The following TLE4 variants were observed in gnomAD, a reference collection of about 807,000 sequenced individuals.
TLE4 encodes TLE family member 4, transcriptional corepressor, also known as transducin-like enhancer protein 4.
Under a neutral mutation model 92.8 loss-of-function variants are expected in TLE4, and 8 were observed. That is an observed-to-expected ratio of 0.09 (90% CI 0.05 to 0.16). The LOEUF (loss-of-function observed/expected upper bound fraction) is 0.16. Ranked by LOEUF, TLE4 falls within the 10% of genes least tolerant of loss-of-function variation. The probability of loss-of-function intolerance (pLI) is 1.00; values close to 1 mark genes in which losing one functional copy is unlikely to be tolerated. For synonymous variants in TLE4, 371 were observed against 374.1 expected, an observed-to-expected ratio of 0.99 and a Z score of 0.10; for missense variants, 675 against 997.6, an observed-to-expected ratio of 0.68 and a Z score of 4.36.
At chr9:79,662,496 C>T (rs2060680516) in intron 8 of TLE4, among the ~76,000 whole-genome samples, 1 of 152,028 alleles carries the variant, frequency 6.6e-6, no homozygotes, top group South Asian at 2.1e-4. Context: ...TTGTGAGCGA[C>T]ATTTGGCCTT....
Position 79,724,849 on chromosome 9 carries a change from T to TAA in TLE4, c.2215-157_2215-156dup, listed in dbSNP as rs947971071. Among the ~76,000 whole-genome samples, 250 of 25,966 alleles carry TAA rather than the reference T, an allele frequency of 9.6e-3. 78 individuals carry two copies. The highest frequency in any genetic ancestry group is 0.019 in the South Asian group (6 of 314). 17.0% of individuals were successfully genotyped at this position (25,966 alleles called of 152,430 possible). A position where few individuals can be genotyped will look rare whatever the true frequency, so the allele number is the denominator to read the frequency against. ...GTGACTGAGGGAGACCCTGTCTTAT[T>TAA]AAAAAAAAAAAAAAAAAAAAAAAAA... On this transcript the variant is annotated intron_variant, in intron 19 of 19. Coordinates refer to ENST00000376552, the MANE Select transcript of TLE4 (RefSeq NM_007005.6).
chr9:79,632,101 C>T (rs757271910), intron 6 of TLE4, among the ~76,000 whole-genome samples: 5 of 152,196 alleles, frequency 3.3e-5, no homozygotes, highest in Middle Eastern at 3.2e-3. Context: ...TCAGCCATAG[C>T]GCGAAGTGCT....
At chr9:79,666,317 T>C (rs1329477327) in intron 8 of TLE4, among the ~76,000 whole-genome samples, 1 of 151,136 alleles carries the variant, frequency 6.6e-6, no homozygotes, top group African/African-American at 2.4e-5. Flanking sequence ...AATCTCTGTC[T>C]CCTGGGTTCA....
At chr9:79,688,912 A>G (rs1325722443) in intron 8 of TLE4, among the ~76,000 whole-genome samples, 1 of 152,048 alleles carries the variant, frequency 6.6e-6, no homozygotes, top group Non-Finnish European at 1.5e-5. Context: ...AGGACAACAT[A>G]TCTTCCCCCA....
At chr9:79,656,042 T>C (rs2059731235) in intron 8 of TLE4, among the ~76,000 whole-genome samples, 1 of 152,214 alleles carries the variant, frequency 6.6e-6, no homozygotes, top group South Asian at 2.1e-4. Flanking sequence ...TGATTTTGCC[T>C]TGATTTATTA....
At chr9:79,684,079 A>G (rs2065278331) in intron 8 of TLE4, among the ~76,000 whole-genome samples, 2 of 152,320 alleles carry the variant, frequency 1.3e-5, no homozygotes, top group South Asian at 4.1e-4. Flanking sequence ...AAAAATGAGA[A>G]GGAGTATTTA....
intron 4 of TLE4, among the ~76,000 whole-genome samples, chr9:79,585,279 G>C (rs1429036030): frequency 2.0e-5 from 3 of 152,162 alleles, no homozygotes; most frequent in Non-Finnish European, 4.4e-5. Context: ...TTTTACGTAT[G>C]TTGGGGCTGA....
At chr9:79,589,940 A>T (rs1212222224) in intron 4 of TLE4, among the ~76,000 whole-genome samples, 1 of 152,132 alleles carries the variant, frequency 6.6e-6, no homozygotes, top group Non-Finnish European at 1.5e-5. Context: ...CACAAAATGG[A>T]ACCTTGAGTT....
At chr9:79,690,321 A>G (rs2066780332) in intron 8 of TLE4, among the ~76,000 whole-genome samples, 1 of 152,186 alleles carries the variant, frequency 6.6e-6, no homozygotes, top group Non-Finnish European at 1.5e-5. Flanking sequence ...TTTCTTACTA[A>G]TGCCTCATTA....
At chr9:79,715,800 C>T (rs1322974959) in intron 14 of TLE4, among the ~76,000 whole-genome samples, 4 of 152,136 alleles carry the variant, frequency 2.6e-5, no homozygotes, top group Non-Finnish European at 4.4e-5. Flanking sequence ...CTCTAGTGAA[C>T]ATCTGCCCTC....
At chr9:79,627,613 T>C (rs2133550289) in intron 6 of TLE4, 165 bp downstream of exon 6, 1 of 675,084 alleles carries the variant, frequency 1.5e-6, no homozygotes, top group Non-Finnish European at 2.6e-6. Context: ...ATGGCTGCCT[T>C]AGAAACTTTG....
At chr9:79,657,592 C>G (rs968073105) in intron 8 of TLE4, among the ~76,000 whole-genome samples, 1 of 152,080 alleles carries the variant, frequency 6.6e-6, no homozygotes, top group Admixed American at 6.5e-5. Flanking sequence ...CAGACTGAAC[C>G]AGTGCTATTA....
chr9:79,640,272 A>C (rs903990766), intron 6 of TLE4, among the ~76,000 whole-genome samples: 1 of 152,178 alleles, frequency 6.6e-6, no homozygotes, highest in African/African-American at 2.4e-5. Flanking sequence ...TTCTTAATAC[A>C]TGGTAAACAG....
At chr9:79,719,198 T>C (rs1467878815) in intron 15 of TLE4, among the ~76,000 whole-genome samples, 2 of 152,130 alleles carry the variant, frequency 1.3e-5, no homozygotes, top group African/African-American at 4.8e-5. Flanking sequence ...TCATTAACTC[T>C]GCCTCCCATG....
chr9:79,725,938 A>G lies in TLE4; in HGVS notation c.*794A>G, dbSNP rs185411999. The G allele has an allele frequency of 6.5e-6, 1 of 152,742 alleles. No individual in the cohort carries two copies. Among genetic ancestry groups the G allele is most frequent in the Non-Finnish European group, 1.5e-5 (1 of 68,034 alleles). The allele number at this position is 152,742 out of a possible 1,614,324, so 9.5% of individuals were successfully genotyped here. A position where few individuals can be genotyped will look rare whatever the true frequency, so the allele number is the denominator to read the frequency against. On this transcript the variant is annotated 3_prime_UTR_variant, in exon 20 of 20. Coordinates refer to ENST00000376552, the MANE Select transcript of TLE4 (RefSeq NM_007005.6). ...ACAAATTAAATTTGGCCTCAAAGAG[A>G]GAACTTACTCCCTTCTGGATATTTT... is the stretch of plus-strand genomic sequence containing the variant.
chr9:79,677,301 A>C (rs1006938152), intron 8 of TLE4, among the ~76,000 whole-genome samples: 3 of 152,136 alleles, frequency 2.0e-5, no homozygotes, highest in African/African-American at 7.2e-5. Flanking sequence ...AGTGCCTAGT[A>C]TTAATTTAGT....
intron 4 of TLE4, among the ~76,000 whole-genome samples, chr9:79,609,072 CT>C (rs893268766): frequency 6.6e-6 from 1 of 152,072 alleles, no homozygotes; most frequent in Non-Finnish European, 1.5e-5. Flanking sequence ...GTATTTGTTA[CT>C]TTTTAACCTA....
At chr9:79,594,438 C>G (rs911712826) in intron 4 of TLE4, among the ~76,000 whole-genome samples, 2 of 152,210 alleles carry the variant, frequency 1.3e-5, no homozygotes, top group African/African-American at 4.8e-5. Context: ...AGTGTATTAT[C>G]TTATTATCTG....
In TLE4 at chr9:79,652,732, G is replaced by A; in HGVS notation, c.530G>A (p.Gly177Glu). Residue 177 changes from glycine (G) to glutamate (E), a missense_variant, in exon 7 of 20, where the codon GGA (glycine) becomes GAA (glutamate). By Grantham distance (98) the Gly-to-Glu change is moderately conservative. This residue lies in a region of TLE4 where 280 missense variants were observed against 287.3 expected (regional missense o/e 0.97). Transcript: ENST00000376552. ...CTTCTGGCCCTCTCCAGTGCTCTAG[G>A]AGGTCAGTCCCATCTTCCAATTAAA... ...AGLLALSSAL[G>E]GQSHLPIKDE... 1 of 1,614,138 alleles carries A rather than the reference G, an allele frequency of 6.2e-7. No individual in the cohort carries two copies. Among genetic ancestry groups the A allele is most frequent in the Non-Finnish European group, 8.5e-7 (1 of 1,180,040 alleles).
Sources: allele counts gnomAD v4.1 joint callset (sites outside exome capture counted in the v4.1 genomes callset), GRCh38; gene constraint gnomAD v4.1.1; regional missense constraint gnomAD v4.1.1; transcripts MANE v1.5; gene names NCBI Gene and HGNC (gene_info 2026-07-23, HGNC 2026-07-21).